The following JAKMIP3 variants were observed in gnomAD, a reference collection of about 807,000 sequenced individuals.
JAKMIP3 encodes Janus kinase and microtubule interacting protein 3.
JAKMIP3 carries 58 observed loss-of-function variants against 118.5 expected under a neutral mutation model. That is an observed-to-expected ratio of 0.49 (90% confidence interval 0.40 to 0.61). JAKMIP3 has a LOEUF of 0.61. Ranked by LOEUF, JAKMIP3 falls within the 20% of genes least tolerant of loss-of-function variation. JAKMIP3 has a pLI of 0.00. For synonymous variants in JAKMIP3, 486 were observed against 451.2 expected (o/e 1.08, Z -0.98); for missense variants, 950 against 1,109.0 (o/e 0.86, Z 2.04).
chr10:132,115,205 G>T (rs1457351782), intron 2 of JAKMIP3, among the ~76,000 whole-genome samples: 1 of 97,754 alleles, frequency 1.0e-5, no homozygotes, highest in Admixed American at 8.4e-5. Context: ...CCGCGATCGC[G>T]GCTAGGGGTC....
intron 1 of JAKMIP3, among the ~76,000 whole-genome samples, chr10:132,057,499 A>G (rs2133834189): frequency 6.6e-6 from 1 of 152,314 alleles, no homozygotes; most frequent in South Asian, 2.1e-4. Context: ...GGATGCTCAC[A>G]GGACACACGC....
chr10:132,105,082 C>T, intron 2 of JAKMIP3, 139 bp downstream of exon 2: 3 of 1,011,100 alleles, frequency 3.0e-6, no homozygotes, highest in Non-Finnish European at 4.3e-6. Flanking sequence ...TGGGACAGAC[C>T]ACTTGGTGGG....
intron 1 of JAKMIP3, among the ~76,000 whole-genome samples, chr10:132,057,507 C>CTA (rs1412749718): frequency 4.8e-4 from 73 of 152,302 alleles, no homozygotes; most frequent in African/African-American, 1.7e-3. Context: ...ACAGGACACA[C>CTA]GCTGCCCCGC....
chr10:132,169,705 T>G (rs548891076), intron 23 of JAKMIP3, among the ~76,000 whole-genome samples: 19 of 152,290 alleles, frequency 1.2e-4, no homozygotes, highest in African/African-American at 4.6e-4. Flanking sequence ...GAGCCACCTG[T>G]GTCTCCTGCA....
chr10:132,147,057 C>T (rs906738492), intron 13 of JAKMIP3, among the ~76,000 whole-genome samples: 7 of 152,216 alleles, frequency 4.6e-5, no homozygotes, highest in Admixed American at 3.3e-4. Flanking sequence ...TACACACATG[C>T]GCATGTGCAC....
At chr10:132,068,079 T>G (rs113942963) in intron 1 of JAKMIP3, among the ~76,000 whole-genome samples, 1 of 23,724 alleles carries the variant, frequency 4.2e-5, no homozygotes, top group African/African-American at 1.3e-4. Flanking sequence ...GGACTGTGGG[T>G]TTCTGTGTGG....
intron 1 of JAKMIP3, among the ~76,000 whole-genome samples, chr10:132,085,846 A>T (rs1322048995): frequency 6.6e-6 from 1 of 151,822 alleles, no homozygotes; most frequent in East Asian, 1.9e-4. Context: ...TATCTTTTGT[A>T]TATATTTTTT....
intron 23 of JAKMIP3, among the ~76,000 whole-genome samples, chr10:132,172,865 G>C (rs939766819): frequency 5.9e-5 from 9 of 151,444 alleles, no homozygotes; most frequent in African/African-American, 2.2e-4. Flanking sequence ...TTTCTAGGCT[G>C]TCTCAGAGAC....
At chr10:132,133,063 G>A (rs11146204) in intron 3 of JAKMIP3, among the ~76,000 whole-genome samples, 3 of 152,180 alleles carry the variant, frequency 2.0e-5, no homozygotes, top group Non-Finnish European at 4.4e-5. Flanking sequence ...TGAGCACACA[G>A]AGCCCGGGGA....
intron 1 of JAKMIP3, among the ~76,000 whole-genome samples, 159 bp from the exon 2 acceptor site, chr10:132,104,513 G>T (rs1448741202): frequency 1.3e-5 from 2 of 152,206 alleles, no homozygotes; most frequent in Non-Finnish European, 1.5e-5. Context: ...TGGGCTCTGA[G>T]GTCTGGGGCT....
chr10:132,041,602 CA>C (rs1050083364), intron 1 of JAKMIP3, among the ~76,000 whole-genome samples: 1 of 152,254 alleles, frequency 6.6e-6, no homozygotes, highest in African/African-American at 2.4e-5. Flanking sequence ...CCGACACCCC[CA>C]CTCCTTTCCT....
rs779575322 is a variant in JAKMIP3 at position 132,117,588 on chromosome 10, CAGGGGCGGGCGTGGGCGAGGGTGCA to C, written c.633+15_633+39del. On this transcript the variant is annotated intron_variant, in intron 3 of 23. Coordinates refer to ENST00000684848, the MANE Select transcript of JAKMIP3 (RefSeq NM_001323087.2). The surrounding 1 kb of genome is among the most constrained non-coding windows in gnomAD (Gnocchi z 8.6). ...ATCCGCAGGCTGGTACGTGGGCAGG[CAGGGGCGGGCGTGGGCGAGGGTGCA>C]GGGGCGGGCGTGGGCGAGGGTGCAG... 278 of 914,808 alleles carry C rather than the reference CAGGGGCGGGCGTGGGCGAGGGTGCA, an allele frequency of 3.0e-4. 2 individuals are homozygous for C. In the Admixed American group the frequency reaches 8.3e-3, roughly 27 times the overall value. 56.7% of individuals were successfully genotyped at this position (914,808 alleles called of 1,614,324 possible). A position where few individuals can be genotyped will look rare whatever the true frequency, so the allele number is the denominator to read the frequency against.
rs376474544 is a variant in JAKMIP3, at chr10:132,116,887, AGT to A, written c.136-184_136-183del. ...CCCCCCGAATACACATTCAGGTGTG[AGT>A]GTGTGCAACGTGGAAGCTCCCCCAA... is the stretch of plus-strand genomic sequence containing the variant. On this transcript the variant is annotated intron_variant, in intron 2 of 23. Transcript: ENST00000684848. Among the ~76,000 whole-genome samples, 643 of 137,346 alleles carry A rather than the reference AGT, an allele frequency of 4.7e-3. 12 individuals carry two copies. The highest frequency in any genetic ancestry group is 0.017 in the African/African-American group (609 of 34,898). The allele number at this position is 137,346 out of a possible 152,430, so 90.1% of individuals were successfully genotyped here. A position where few individuals can be genotyped will look rare whatever the true frequency, so the allele number is the denominator to read the frequency against.
chr10:132,135,507 G>A (rs1175416147), intron 5 of JAKMIP3, among the ~76,000 whole-genome samples: 3 of 152,180 alleles, frequency 2.0e-5, no homozygotes, highest in Admixed American at 6.5e-5. Flanking sequence ...TCGATATCCC[G>A]GAGGGTGCGT....
intron 1 of JAKMIP3, among the ~76,000 whole-genome samples, chr10:132,094,826 C>G (rs553510903): frequency 6.6e-6 from 1 of 151,918 alleles, no homozygotes; most frequent in African/African-American, 2.4e-5. Context: ...CTTCAGCTAC[C>G]AGGCTGGATG....
At chr10:132,037,301 G>C (rs866682649) in intron 1 of JAKMIP3, among the ~76,000 whole-genome samples, 1 of 152,266 alleles carries the variant, frequency 6.6e-6, no homozygotes, top group Middle Eastern at 3.4e-3. Context: ...CTGGGAGTTG[G>C]AGCGGCTCCC....
intron 1 of JAKMIP3, among the ~76,000 whole-genome samples, chr10:132,085,329 C>T (rs550447396): frequency 4.5e-4 from 68 of 152,236 alleles, no homozygotes; most frequent in African/African-American, 1.4e-3. Flanking sequence ...TATCCATCTC[C>T]GCTAGGTTTT....
intron 1 of JAKMIP3, among the ~76,000 whole-genome samples, chr10:132,054,726 C>T (rs1370129338): frequency 6.6e-6 from 1 of 152,186 alleles, no homozygotes; most frequent in African/African-American, 2.4e-5. Flanking sequence ...GAGCTGAAGT[C>T]AGGAATAGAG....
Position 132,153,833 on chromosome 10 carries a change from T to TG in JAKMIP3, c.2142+8dup. ...TGGATCTGGAGAGCGAGAAGGTTGG[T>TG]GGCACCTTCACCGAGGTTCTGCGGC... On this transcript the variant is annotated splice_region_variant and intron_variant, in intron 18 of 23. Coordinates refer to ENST00000684848, the MANE Select transcript of JAKMIP3 (RefSeq NM_001323087.2). 6.2e-7 allele frequency: 1 copy of TG among 1,613,008 alleles called. No homozygotes were observed. Among genetic ancestry groups the TG allele is most frequent in the Non-Finnish European group, 8.5e-7 (1 of 1,179,730 alleles).
Sources: allele counts gnomAD v4.1 joint callset (sites outside exome capture counted in the v4.1 genomes callset), GRCh38; gene constraint gnomAD v4.1.1; non-coding constraint Gnocchi (gnomAD v3.1); transcripts MANE v1.5; gene names NCBI Gene and HGNC (gene_info 2026-07-23, HGNC 2026-07-21).